DLG2: variants seen among roughly 807,000 people sequenced by gnomAD.
DLG2 encodes the protein discs large MAGUK scaffold protein 2, also known as disks large homolog 2.
A neutral mutation model predicts 132.5 loss-of-function variants in DLG2; 45 were observed. That is an observed-to-expected ratio of 0.34 (90% CI 0.27 to 0.44). The LOEUF (loss-of-function observed/expected upper bound fraction) is 0.44. Ranked by LOEUF, DLG2 falls within the 20% of genes least tolerant of loss-of-function variation. The probability of loss-of-function intolerance (pLI) is 1.00; values close to 1 mark genes in which losing one functional copy is unlikely to be tolerated. For synonymous variants in DLG2, 424 were observed against 419.6 expected (o/e 1.01, Z -0.13); for missense variants, 1,045 against 1,196.9 (o/e 0.87, Z 1.87).
intron 8 of DLG2, among the ~76,000 whole-genome samples, chr11:84,234,765 C>T (rs894397036): frequency 6.6e-6 from 1 of 152,048 alleles, no homozygotes; most frequent in African/African-American, 2.4e-5. Context: ...AATAAAATAC[C>T]AACATGACAG....
intron 6 of DLG2, among the ~76,000 whole-genome samples, chr11:84,741,260 G>T (rs2064615490): frequency 6.6e-6 from 1 of 151,516 alleles, no homozygotes; most frequent in African/African-American, 2.4e-5. Flanking sequence ...TAGAGACGGG[G>T]TTTCACCGTG....
At chr11:84,460,601 C>T (rs1198097780) in intron 7 of DLG2, among the ~76,000 whole-genome samples, 1 of 150,358 alleles carries the variant, frequency 6.7e-6, no homozygotes, top group Non-Finnish European at 1.5e-5. Flanking sequence ...TGAATTACAA[C>T]CTTTTTAACA....
chr11:83,882,396 G>T (rs2066523868), intron 15 of DLG2, among the ~76,000 whole-genome samples: 1 of 152,178 alleles, frequency 6.6e-6, no homozygotes, highest in Admixed American at 6.5e-5. Flanking sequence ...GGACAATTAA[G>T]AAATCAAGCA....
intron 4 of DLG2, among the ~76,000 whole-genome samples, chr11:85,258,541 A>G (rs957721850): frequency 6.6e-6 from 1 of 152,198 alleles, no homozygotes; most frequent in Non-Finnish European, 1.5e-5. Flanking sequence ...GCATTTCAAT[A>G]CACCTTTACT....
intron 6 of DLG2, among the ~76,000 whole-genome samples, chr11:84,594,233 G>A (rs755831677): frequency 8.5e-5 from 13 of 152,182 alleles, no homozygotes; most frequent in Non-Finnish European, 1.5e-4. Context: ...GGTAAGAAAT[G>A]CACAGTTAAA....
intron 9 of DLG2, among the ~76,000 whole-genome samples, chr11:84,101,484 G>A (rs2092518040): frequency 6.6e-6 from 1 of 152,054 alleles, no homozygotes; most frequent in Non-Finnish European, 1.5e-5. Flanking sequence ...AGACTGCAGA[G>A]GTTAAGGCCA....
chr11:84,631,018 T>TCTCTCTCTCTCTCA (rs1217703556), intron 6 of DLG2, among the ~76,000 whole-genome samples: 26 of 94,288 alleles, frequency 2.8e-4, no homozygotes, highest in Middle Eastern at 5.3e-3. Context: ...TCTCTCTCTC[T>TCTCTCTCTCTCTCA]CACACACACA....
chr11:84,363,558 T>C (rs1038124773), intron 7 of DLG2, among the ~76,000 whole-genome samples: 20 of 151,908 alleles, frequency 1.3e-4, no homozygotes, highest in African/African-American at 4.8e-4. Flanking sequence ...CCATTGCTTT[T>C]GGTGTTTTAG....
intron 3 of DLG2, among the ~76,000 whole-genome samples, chr11:85,305,477 A>G (rs1246267596): frequency 2.6e-5 from 4 of 152,140 alleles, no homozygotes; most frequent in African/African-American, 9.7e-5. Context: ...TTATCCAGAG[A>G]ATCTGAAATA....
intron 17 of DLG2, among the ~76,000 whole-genome samples, chr11:83,789,797 C>T (rs1330522396): frequency 2.0e-5 from 3 of 152,302 alleles, no homozygotes; most frequent in African/African-American, 4.8e-5. Flanking sequence ...CTGCCTGCCT[C>T]GGCCTTCCAA....
At chr11:84,779,213 C>G (rs1009351611) in intron 6 of DLG2, among the ~76,000 whole-genome samples, 1 of 145,578 alleles carries the variant, frequency 6.9e-6, no homozygotes, top group Non-Finnish European at 1.5e-5. Context: ...CACACACACA[C>G]ATATATATGT....
chr11:83,657,687 C>T (rs1014298690), intron 18 of DLG2, among the ~76,000 whole-genome samples: 10 of 151,788 alleles, frequency 6.6e-5, no homozygotes, highest in Admixed American at 3.3e-4. Context: ...TACAGGCACC[C>T]GCCACCATGC....
intron 7 of DLG2, among the ~76,000 whole-genome samples, chr11:84,260,131 T>C (rs192078430): frequency 1.1e-4 from 17 of 152,256 alleles, no homozygotes; most frequent in Admixed American, 1.1e-3. Flanking sequence ...ATAGGCTGAG[T>C]TGGTCTTCCC....
At chr11:83,540,779 A>T (rs1035679502) in intron 20 of DLG2, among the ~76,000 whole-genome samples, 2 of 152,204 alleles carry the variant, frequency 1.3e-5, no homozygotes, top group African/African-American at 4.8e-5. Context: ...AAGCCCTTTG[A>T]GAAATCTGCA....
intron 8 of DLG2, among the ~76,000 whole-genome samples, chr11:84,189,686 T>C (rs774531558): frequency 3.3e-5 from 5 of 151,968 alleles, no homozygotes; most frequent in Non-Finnish European, 5.9e-5. Context: ...ATGGATGAAG[T>C]TGGAAGTCAT....
At chr11:84,827,783 AATTCCATC>A in intron 6 of DLG2, among the ~76,000 whole-genome samples, 1 of 151,744 alleles carries the variant, frequency 6.6e-6, no homozygotes, top group East Asian at 2.0e-4. Flanking sequence ...CATAAAAAAA[AATTCCATC>A]ATTTCCAACG....
intron 9 of DLG2, among the ~76,000 whole-genome samples, chr11:84,121,381 CA>C (rs780953154): frequency 2.0e-4 from 31 of 151,848 alleles, no homozygotes; most frequent in Non-Finnish European, 3.7e-4. Flanking sequence ...ATGAATGCAT[CA>C]AAAATGAATA....
intron 6 of DLG2, among the ~76,000 whole-genome samples, chr11:84,954,622 C>T (rs1033885457): frequency 2.0e-5 from 3 of 152,186 alleles, no homozygotes; most frequent in South Asian, 2.1e-4. Context: ...TACAAATGGC[C>T]GCAATCCCAT....
chr11:83,645,142 G>A (rs1487363502), intron 18 of DLG2, among the ~76,000 whole-genome samples: 1 of 152,036 alleles, frequency 6.6e-6, no homozygotes, highest in East Asian at 1.9e-4. Context: ...AATTCAGTGT[G>A]GCCCATGAGA....
Sources: allele counts gnomAD v4.1 joint callset (sites outside exome capture counted in the v4.1 genomes callset), GRCh38; gene constraint gnomAD v4.1.1; transcripts MANE v1.5; gene names NCBI Gene and HGNC (gene_info 2026-07-23, HGNC 2026-07-21).